The following CCNG2 variants were observed in gnomAD, a reference collection of about 807,000 sequenced individuals.
The protein encoded by CCNG2 is cyclin-G2.
In CCNG2, 20 loss-of-function variants were observed where a neutral mutation model predicts 36.5. That is an observed-to-expected ratio of 0.55 (90% CI 0.39 to 0.80). The LOEUF (loss-of-function observed/expected upper bound fraction) is 0.80, where lower values mean the gene tolerates loss of function less well. CCNG2 is among the 30% of genes least tolerant of loss of function. The pLI is 0.00. For synonymous variants in CCNG2, 155 were observed against 140.1 expected, an observed-to-expected ratio of 1.11 and a Z score of -0.75; for missense variants, 358 against 390.8, an observed-to-expected ratio of 0.92 and a Z score of 0.71.
intron 7 of CCNG2, chr4:77,165,090 T>C (rs1213664522): frequency 6.6e-6 from 1 of 152,254 alleles, no homozygotes; most frequent in Non-Finnish European, 1.5e-5. Flanking sequence ...TGTTGTCTTA[T>C]TCAGAATTTG....
Position 77,161,082 on chromosome 4 carries a change from T to C in CCNG2, c.527+111T>C, listed in dbSNP as rs140588733. ...TTTACCTTCTTCAAACTTTCAACTT[T>C]GACTTTATTGGTAAATCTTTTTTTT... is the stretch of plus-strand genomic sequence containing the variant. On this transcript the variant is annotated intron_variant, in intron 4 of 7. Transcript: ENST00000316355. The C allele has an allele frequency of 1.2e-3, 958 of 802,498 alleles. 10 individuals are homozygous for C. In the African/African-American group the frequency reaches 0.016, roughly 13 times the overall value. 49.7% of individuals were successfully genotyped at this position (802,498 alleles called of 1,614,324 possible).
At chr4:77,158,790 G>A in intron 2 of CCNG2, 120 bp downstream of exon 2, 2 of 971,178 alleles carry the variant, frequency 2.1e-6, no homozygotes, top group Non-Finnish European at 3.1e-6. Flanking sequence ...TGTTCTTTCT[G>A]GAGTACCAAG....
chr4:77,158,161 T>A (rs1731320798), intron 1 of CCNG2: 1 of 197,092 alleles, frequency 5.1e-6, no homozygotes, highest in African/African-American at 2.3e-5. Flanking sequence ...CGGGACCCGC[T>A]GCAGTCGCTC....
chr4:77,161,101 T>TG lies in CCNG2; in HGVS notation c.527+130_527+131insG, dbSNP rs1192871250. ...CAACTTTGACTTTATTGGTAAATCTTTTTTTTTTTTTTTTTTTGGAGAAGG... is the reference window on the plus strand; with the variant it reads ...CAACTTTGACTTTATTGGTAAATCTTGTTTTTTTTTTTTTTTTTGGAGAAGG... On this transcript the variant is annotated intron_variant, in intron 4 of 7. Transcript: ENST00000316355. The TG allele has an allele frequency of 3.3e-5, 12 of 360,634 alleles. No homozygotes were observed. In the East Asian group the frequency reaches 6.1e-4, roughly 18 times the overall value. The allele number at this position is 360,634 out of a possible 1,614,324, so 22.3% of individuals were successfully genotyped here. A position where few individuals can be genotyped will look rare whatever the true frequency, so the allele number is the denominator to read the frequency against.
intron 7 of CCNG2, 29 bp from the exon 8 acceptor site, chr4:77,165,772 C>A: frequency 6.6e-7 from 1 of 1,523,986 alleles, no homozygotes; most frequent in Non-Finnish European, 8.8e-7. Flanking sequence ...GTAATGGTAT[C>A]CTCTTTTTTT....
intron 6 of CCNG2, among the ~76,000 whole-genome samples, chr4:77,162,859 C>T (rs1233581414): frequency 6.6e-6 from 1 of 151,830 alleles, no homozygotes; most frequent in African/African-American, 2.4e-5. Context: ...CTTACAGGTA[C>T]AATGTCTAGG....
rs1731640875 is a variant in CCNG2, at chr4:77,166,633, A to C, written c.*709A>C. The C allele has an allele frequency of 6.6e-6, 1 of 152,232 alleles. No homozygotes were observed. Among genetic ancestry groups the C allele is most frequent in the Non-Finnish European group, 1.5e-5 (1 of 68,034 alleles). 9.4% of individuals were successfully genotyped at this position (152,232 alleles called of 1,614,324 possible). A position where few individuals can be genotyped will look rare whatever the true frequency, so the allele number is the denominator to read the frequency against. On this transcript the variant is annotated 3_prime_UTR_variant, in exon 8 of 8. Transcript: ENST00000316355. ...GTATTATTTTAATGTTACTTTAAAA[A>C]TCCATAATCTGCTAGTTTTGCATGT... is the stretch of plus-strand genomic sequence containing the variant.
At chr4:77,159,110 A>G (rs969574309) in intron 2 of CCNG2, among the ~76,000 whole-genome samples, 10 of 152,254 alleles carry the variant, frequency 6.6e-5, no homozygotes, top group East Asian at 5.8e-4. Flanking sequence ...AAATCTTGCA[A>G]CAGTTCACCT....
intron 2 of CCNG2, 86 bp downstream of exon 2, chr4:77,158,756 A>C: frequency 2.9e-6 from 4 of 1,394,270 alleles, no homozygotes; most frequent in Non-Finnish European, 4.0e-6. Context: ...ATCATGACTA[A>C]AGCCTGCAAA....
chr4:77,165,415 A>G (rs1731600521), intron 7 of CCNG2, among the ~76,000 whole-genome samples: 1 of 147,500 alleles, frequency 6.8e-6, no homozygotes, highest in South Asian at 2.2e-4. Flanking sequence ...GAAAACCTAT[A>G]TTTTCTTTCT....
At position 77,158,735 on chromosome 4, in the gene CCNG2, G is replaced by A. The variant is rs957162241; in HGVS notation, c.138+65G>A. On this transcript the variant is annotated intron_variant, in intron 2 of 7. Coordinates refer to ENST00000316355, the MANE Select transcript of CCNG2 (RefSeq NM_004354.3). ...GGGGCTTGGAGGAGGTAACCCCCCC[G>A]CCCCCGTTGAATCATGACTAAAGCC... 5.1e-6 allele frequency: 8 copies of A among 1,560,884 alleles called. No homozygotes were observed. In the African/African-American group the frequency reaches 5.4e-5, roughly 11 times the overall value.
chr4:77,166,042 CCTT>C lies in CCNG2; in HGVS notation c.*121_*123del. 1 of 912,562 alleles carries C rather than the reference CCTT, an allele frequency of 1.1e-6. No individual in the cohort carries two copies. The highest frequency in any genetic ancestry group is 2.7e-5 in the East Asian group (1 of 36,626). 56.5% of individuals were successfully genotyped at this position (912,562 alleles called of 1,614,324 possible). On this transcript the variant is annotated 3_prime_UTR_variant, in exon 8 of 8. Coordinates refer to ENST00000316355, the MANE Select transcript of CCNG2 (RefSeq NM_004354.3). The stretch of plus-strand genomic sequence containing the variant: ...AGGAATTAATATACTGGAATACCTA[CCTT>C]CTATTTGTTATTCAGATCAGATCTG...
chr4:77,163,043 G>A (rs900496093), intron 6 of CCNG2, among the ~76,000 whole-genome samples: 1 of 152,126 alleles, frequency 6.6e-6, no homozygotes, highest in African/African-American at 2.4e-5. Flanking sequence ...AGAGCAATAT[G>A]ATTTTAGATG....
chr4:77,158,334 C>T, intron 1 of CCNG2, 199 bp from the exon 2 acceptor site: 2 of 572,954 alleles, frequency 3.5e-6, no homozygotes, highest in Middle Eastern at 4.6e-4. Context: ...CTGACCACGG[C>T]TCCTCCCCCT....
intron 7 of CCNG2, 27 bp downstream of exon 7, chr4:77,164,506 C>T: frequency 1.3e-6 from 2 of 1,509,090 alleles, no homozygotes; most frequent in Non-Finnish European, 1.8e-6. Context: ...ACTAATTAAA[C>T]TTCCCTAGAC....
At position 77,168,272 on chromosome 4, in the gene CCNG2, A is replaced by G. The variant is rs753856663; in HGVS notation, c.*2348A>G. The G allele has an allele frequency of 6.6e-6, 1 of 152,174 alleles. No homozygotes were observed. Among genetic ancestry groups the G allele is most frequent in the African/African-American group, 2.4e-5 (1 of 41,420 alleles). 9.4% of individuals were successfully genotyped at this position (152,174 alleles called of 1,614,324 possible). A position where few individuals can be genotyped will look rare whatever the true frequency, so the allele number is the denominator to read the frequency against. On this transcript the variant is annotated 3_prime_UTR_variant, in exon 8 of 8. Coordinates refer to ENST00000316355, the MANE Select transcript of CCNG2 (RefSeq NM_004354.3). The stretch of plus-strand genomic sequence containing the variant: ...TTGTATGATTTCGTTTACACTGTTT[A>G]TATCTCTCTGTCCCCCCTTTTTCTG...
rs1445343500 is a variant in CCNG2, at chr4:77,167,325, CAGA to C, written c.*1404_*1406del. The C allele has an allele frequency of 1.3e-5, 2 of 152,156 alleles. No individual in the cohort carries two copies. Among genetic ancestry groups the C allele is most frequent in the Non-Finnish European group, 2.9e-5 (2 of 68,046 alleles). 9.4% of individuals were successfully genotyped at this position (152,156 alleles called of 1,614,324 possible). On this transcript the variant is annotated 3_prime_UTR_variant, in exon 8 of 8. Transcript: ENST00000316355. ...CAGAGTGAGCCTTCTAACTGGCTAG[CAGA>C]AGTTCTCTAGGTTTGGCATCTGTGC...
At position 77,166,978 on chromosome 4, in the gene CCNG2, A is replaced by G. The variant is rs1339851450; in HGVS notation, c.*1054A>G. The G allele has an allele frequency of 1.3e-5, 2 of 152,208 alleles. No homozygotes were observed. Among genetic ancestry groups the G allele is most frequent in the Non-Finnish European group, 2.9e-5 (2 of 68,024 alleles). 9.4% of individuals were successfully genotyped at this position (152,208 alleles called of 1,614,324 possible). A position where few individuals can be genotyped will look rare whatever the true frequency, so the allele number is the denominator to read the frequency against. On this transcript the variant is annotated 3_prime_UTR_variant, in exon 8 of 8. Coordinates refer to ENST00000316355, the MANE Select transcript of CCNG2 (RefSeq NM_004354.3). ...GAATTTTTAACTTTATAAATTGTATATGAACATGTAAATCTTTTAAAATGT... is the reference window on the plus strand; with the variant it reads ...GAATTTTTAACTTTATAAATTGTATGTGAACATGTAAATCTTTTAAAATGT...
Position 77,160,967 on chromosome 4 carries a change from G to A in CCNG2, c.523G>A (p.Glu175Lys). 6.3e-7 allele frequency: 1 copy of A among 1,599,510 alleles called. No homozygotes were observed. The highest frequency in any genetic ancestry group is 1.1e-5 in the South Asian group (1 of 90,858). Residue 175 changes from glutamate to lysine, a missense_variant, in exon 4 of 8, where the codon GAA becomes AAA. Physicochemically the swap from Glu to Lys is moderately conservative, Grantham distance 56. Transcript: ENST00000316355. ...TACTATTATACTTTGTCATACTTCAGAAAGGTCAGTGGGATTAAAGATACA... is the reference window on the plus strand; with the variant it reads ...TACTATTATACTTTGTCATACTTCAAAAAGGTCAGTGGGATTAAAGATACA... Reference protein sequence around the residue: ...YHTIILCHTSERKEILSLDKL... With the variant: ...YHTIILCHTSKRKEILSLDKL...
Sources: allele counts gnomAD v4.1 joint callset (sites outside exome capture counted in the v4.1 genomes callset), GRCh38; gene constraint gnomAD v4.1.1; transcripts MANE v1.5; gene names NCBI Gene and HGNC (gene_info 2026-07-23, HGNC 2026-07-21).